The following LONRF2 variants were observed in gnomAD, a reference collection of about 807,000 sequenced individuals.
The protein encoded by LONRF2 is LON peptidase N-terminal domain and ring finger 2.
Under a neutral mutation model 66.6 loss-of-function variants are expected in LONRF2, and 35 were observed. The ratio of observed to expected loss-of-function variants is 0.53; its 90% CI spans 0.40 to 0.70. The LOEUF is 0.70. LONRF2 is among the 30% of genes least tolerant of loss of function. LONRF2 has a pLI of 0.00. For synonymous variants in LONRF2, 417 were observed against 418.1 expected (o/e 1.00, Z 0.03); for missense variants, 902 against 1,002.1 (o/e 0.90, Z 1.35).
At chr2:100,321,269 C>T (rs1675617448) in intron 1 of LONRF2, 146 bp downstream of exon 1, 9 of 712,334 alleles carry the variant, frequency 1.3e-5, no homozygotes, top group Non-Finnish European at 1.7e-5. Flanking sequence ...CACCTTTCAC[C>T]TTCCCATCCT....
chr2:100,273,923 G>C lies in LONRF2; in HGVS notation c.*10375C>G, dbSNP rs1674545437. On this transcript the variant is annotated 3_prime_UTR_variant, in exon 12 of 12. Transcript: ENST00000393437. ...AACAGGTTCTTATTTTCAGAATTGA[G>C]TGGGAAATTGTGTGTGGGGTAAACA... The C allele has an allele frequency of 6.6e-6, 1 of 152,208 alleles. No individual in the cohort carries two copies. The highest frequency in any genetic ancestry group is 6.5e-5 in the Admixed American group (1 of 15,292). 9.4% of individuals were successfully genotyped at this position (152,208 alleles called of 1,614,324 possible). A position where few individuals can be genotyped will look rare whatever the true frequency, so the allele number is the denominator to read the frequency against.
Position 100,322,064 on chromosome 2 carries a change from C to T in LONRF2, c.30G>A (p.Pro10=), listed in dbSNP as rs1413273200. ...GGTCGCAGCCAGGACACTGGGGCGG[C>T]GGCGGCGGCGGGACCGGCTCGGGGC... is the stretch of plus-strand genomic sequence containing the variant. MSPEPVPPP[P]PPQCPGCDRA... is the part of the protein sequence containing the mutation. Residue 10 remains proline (P), a synonymous_variant, in exon 1 of 12, where the codon CCG becomes CCA. Transcript: ENST00000393437. 6.1e-6 allele frequency: 8 copies of T among 1,302,084 alleles called. No homozygotes were observed. Among genetic ancestry groups the T allele is most frequent in the South Asian group, 4.2e-5 (2 of 47,110 alleles). The allele number at this position is 1,302,084 out of a possible 1,614,324, so 80.7% of individuals were successfully genotyped here.
rs1674757874 is a variant in LONRF2 at position 100,282,390 on chromosome 2, T to C, written c.*1908A>G. The C allele has an allele frequency of 6.6e-6, 1 of 152,232 alleles. No homozygotes were observed. The highest frequency in any genetic ancestry group is 2.1e-4 in the South Asian group (1 of 4,832). The allele number at this position is 152,232 out of a possible 1,614,324, so 9.4% of individuals were successfully genotyped here. ...TACTTCCAAATGGAAATGGCATTGA[T>C]AACTATTCAGCTGTGATATGAAGGT... On this transcript the variant is annotated 3_prime_UTR_variant, in exon 12 of 12. Coordinates refer to ENST00000393437, the MANE Select transcript of LONRF2 (RefSeq NM_198461.4).
intron 9 of LONRF2, among the ~76,000 whole-genome samples, chr2:100,293,849 G>A (rs924150255): frequency 2.0e-5 from 3 of 152,140 alleles, no homozygotes; most frequent in Non-Finnish European, 4.4e-5. Flanking sequence ...CAAAGTGCTG[G>A]GATTACAAGC....
chr2:100,316,349 T>TTTATAATAATTATTAGAAATTCTAATAA (rs1675507781), intron 1 of LONRF2, among the ~76,000 whole-genome samples: 1 of 140,494 alleles, frequency 7.1e-6, no homozygotes, highest in African/African-American at 3.0e-5. Context: ...GAAAGAAAAT[T>TTTATAATAATTATTAGAAATTCTAATAA]TTCTAATAAT....
intron 5 of LONRF2, 71 bp from the exon 6 acceptor site, chr2:100,299,390 A>G (rs968838168): frequency 1.1e-5 from 10 of 920,282 alleles, no homozygotes; most frequent in Middle Eastern, 2.3e-4. Flanking sequence ...CAAGAAATGT[A>G]TTTTCTCTGG....
At chr2:100,318,992 T>C (rs1056687712) in intron 1 of LONRF2, among the ~76,000 whole-genome samples, 1 of 151,996 alleles carries the variant, frequency 6.6e-6, no homozygotes, top group African/African-American at 2.4e-5. Flanking sequence ...TAGCTGGGCA[T>C]GGTAGTGCGT....
At position 100,294,233 on chromosome 2, in the gene LONRF2, C is replaced by T. The variant is rs111318889; in HGVS notation, c.1753G>A (p.Ala585Thr). Reference protein sequence around the residue: ...RFGMCLSAEHAGLSEYGCMLE... With the variant: ...RFGMCLSAEHTGLSEYGCMLE... ...CCAAATGCTAACAGTTCTTACCCCG[C>T]GTGCTCAGCAGATAAACACATGCCA... The change falls in exon 9 of 12, where the codon GCG (alanine) becomes ACG (threonine). Residue 585 changes from alanine (A) to threonine (T), a missense_variant. Physicochemically the swap from Ala to Thr is moderately conservative, Grantham distance 58. Coordinates refer to ENST00000393437, the MANE Select transcript of LONRF2 (RefSeq NM_198461.4). The T allele has an allele frequency of 4.1e-5, 65 of 1,601,760 alleles. No homozygotes were observed. In the African/African-American group the frequency reaches 4.7e-4, roughly 12 times the overall value.
intron 2 of LONRF2, among the ~76,000 whole-genome samples, chr2:100,308,232 T>A (rs1001819212): frequency 3.6e-5 from 5 of 137,378 alleles, no homozygotes; most frequent in Admixed American, 7.4e-5. Flanking sequence ...TAGCTGGGTG[T>A]GGTAGCACGC....
At chr2:100,306,360 G>A (rs1379145604) in intron 2 of LONRF2, among the ~76,000 whole-genome samples, 2 of 152,202 alleles carry the variant, frequency 1.3e-5, no homozygotes, top group African/African-American at 4.8e-5. Context: ...TACGCACAAA[G>A]AACTTCACGT....
At position 100,321,684 on chromosome 2, in the gene LONRF2, G is replaced by A; in HGVS notation, c.410C>T (p.Pro137Leu). The A allele has an allele frequency of 8.0e-7, 1 of 1,246,980 alleles. No individual in the cohort carries two copies. Among genetic ancestry groups the A allele is most frequent in the Non-Finnish European group, 1.0e-6 (1 of 999,722 alleles). 77.2% of individuals were successfully genotyped at this position (1,246,980 alleles called of 1,614,324 possible). Residue 137 changes from proline (P) to leucine (L), a missense_variant, in exon 1 of 12, where the codon CCC becomes CTC. By Grantham distance (98) the Pro-to-Leu change is moderately conservative (BLOSUM62 -3). Around this residue, in one of 2 missense-constraint regions of LONRF2, gnomAD observed 585 missense variants for 569.9 expected, o/e 1.03. Transcript: ENST00000393437. Reference sequence around the variant, plus strand: ...GCGCGGGCAGCCGAGCAGGTCGCGGGGCGCGCGGGGCTCCGGGGCCGGCCC... The same window carrying A: ...GCGCGGGCAGCCGAGCAGGTCGCGGAGCGCGCGGGGCTCCGGGGCCGGCCC... Reference protein sequence around the residue: ...EGGPAPEPRAPRDLLGCPRCR... With the variant: ...EGGPAPEPRALRDLLGCPRCR...
chr2:100,310,571 T>TATAAATG (rs1675388618), intron 1 of LONRF2, among the ~76,000 whole-genome samples: 1 of 152,196 alleles, frequency 6.6e-6, no homozygotes, highest in Admixed American at 6.5e-5. Flanking sequence ...AGTAACTACT[T>TATAAATG]ATAAATGTGT....
intron 5 of LONRF2, 131 bp from the exon 6 acceptor site, chr2:100,299,450 C>T: frequency 3.3e-6 from 2 of 611,106 alleles, no homozygotes; most frequent in Non-Finnish European, 2.8e-6. Flanking sequence ...AGAAATAGTT[C>T]CTGCCCAGTT....
intron 10 of LONRF2, among the ~76,000 whole-genome samples, chr2:100,289,602 A>AT (rs11424569): frequency 0.41 from 61,457 of 150,972 alleles, 13,084 homozygotes; most frequent in East Asian, 0.53. Flanking sequence ...CACATGGTTA[A>AT]TTTTTTTATA....
At chr2:100,320,843 T>C (rs899116398) in intron 1 of LONRF2, among the ~76,000 whole-genome samples, 8 of 152,152 alleles carry the variant, frequency 5.3e-5, no homozygotes, top group African/African-American at 1.9e-4. Context: ...GAATGAACAA[T>C]TTAAAACTAC....
In LONRF2 at chr2:100,274,242, A is replaced by G. The variant is rs951631017; in HGVS notation, c.*10056T>C. The stretch of plus-strand genomic sequence containing the variant: ...TGTCGTAGTACCCCGGGAGCCTCAC[A>G]TGACTCTCTCAGCCCCTCCCTGCTC... On this transcript the variant is annotated 3_prime_UTR_variant, in exon 12 of 12. Transcript: ENST00000393437. 19 of 152,050 alleles carry G rather than the reference A, an allele frequency of 1.2e-4. No individual in the cohort carries two copies. The highest frequency in any genetic ancestry group is 4.6e-4 in the African/African-American group (19 of 41,378). 9.4% of individuals were successfully genotyped at this position (152,050 alleles called of 1,614,324 possible). A position where few individuals can be genotyped will look rare whatever the true frequency, so the allele number is the denominator to read the frequency against.
At chr2:100,290,585 C>A (rs373643172) in intron 9 of LONRF2, among the ~76,000 whole-genome samples, 165 bp from the exon 10 acceptor site, 2 of 152,274 alleles carry the variant, frequency 1.3e-5, no homozygotes, top group South Asian at 4.1e-4. Flanking sequence ...TGCACATGGT[C>A]GCTTCTGTTA....
intron 7 of LONRF2, among the ~76,000 whole-genome samples, chr2:100,296,394 T>C (rs1419125328): frequency 1.3e-5 from 2 of 152,156 alleles, no homozygotes; most frequent in Non-Finnish European, 2.9e-5. Context: ...CTCATAAAGC[T>C]GTGATTCAGA....
rs17023925 is a variant in LONRF2 at position 100,297,629 on chromosome 2, G to A, written c.1476+1207C>T. 8.6e-3 allele frequency among the ~76,000 whole-genome samples: 1,316 copies of A among 152,214 alleles called. 18 individuals are homozygous for A. Among genetic ancestry groups the A allele is most frequent in the African/African-American group, 0.03 (1,256 of 41,528 alleles). On this transcript the variant is annotated intron_variant, in intron 7 of 11. Coordinates refer to ENST00000393437, the MANE Select transcript of LONRF2 (RefSeq NM_198461.4). ...CACCAAAACAAGAGGCAGTGGGTCCGATGCATCTACTAGCAAGAAGAGACA... is the reference window on the plus strand; with the variant it reads ...CACCAAAACAAGAGGCAGTGGGTCCAATGCATCTACTAGCAAGAAGAGACA...
Sources: allele counts gnomAD v4.1 joint callset (sites outside exome capture counted in the v4.1 genomes callset), GRCh38; gene constraint gnomAD v4.1.1; regional missense constraint gnomAD v4.1.1; transcripts MANE v1.5; gene names NCBI Gene and HGNC (gene_info 2026-07-23, HGNC 2026-07-21).